Variants in C2orf81 observed in about 807,000 individuals in gnomAD.
The protein encoded by C2orf81 is uncharacterized protein C2orf81.
In C2orf81, 5 loss-of-function variants were observed where a neutral mutation model predicts 7.9. The ratio of observed to expected loss-of-function variants is 0.63; its 90% CI spans 0.33 to 1.33. The LOEUF (loss-of-function observed/expected upper bound fraction) is 1.33, where lower values mean the gene tolerates loss of function less well. Ranked by LOEUF, C2orf81 falls within the 40% of genes most tolerant of loss-of-function variation. The pLI, the probability that C2orf81 is intolerant of heterozygous loss-of-function variation, is 0.05. For synonymous variants in C2orf81, 346 were observed against 367.4 expected, an observed-to-expected ratio of 0.94 and a Z score of 0.66; for missense variants, 781 against 830.4, an observed-to-expected ratio of 0.94 and a Z score of 0.73.
rs1049420548 is a variant in C2orf81 at position 74,414,782 on chromosome 2, G to A, written c.1395C>T (p.Ser465=). The change falls in exon 3 of 3, where the codon TCC becomes TCT. Residue 465 remains serine (S), a synonymous_variant. Coordinates refer to ENST00000684111, the MANE Select transcript of C2orf81 (RefSeq NM_001316764.3). This position sits in a 1 kb window ranked among gnomAD's most constrained non-coding sequence, Gnocchi z 5.3. ...TTGGGAGTGGCAGCTTTGACTCGAG[G>A]GATGGCGACGATAGGCCTAAATTTA... ...PTLNLGLSSP[S]LESKLPLPNS... is the part of the protein sequence containing the mutation. The A allele has an allele frequency of 5.2e-6, 8 of 1,551,554 alleles. No homozygotes were observed. Among genetic ancestry groups the A allele is most frequent in the Non-Finnish European group, 7.0e-6 (8 of 1,146,874 alleles).
intron 1 of C2orf81, chr2:74,418,302 C>A: frequency 6.2e-7 from 1 of 1,607,282 alleles, no homozygotes; most frequent in East Asian, 2.2e-5. Flanking sequence ...CTTCGCTGAG[C>A]TCCTTCTGAC....
chr2:74,420,769 CTTCTTTTTTTTTTTTTTT>C (rs1676585601), intron 1 of C2orf81, among the ~76,000 whole-genome samples: 1 of 118,718 alleles, frequency 8.4e-6, no homozygotes, highest in African/African-American at 3.8e-5. Context: ...CTTTCTTCTT[CTTCTTTTTTTTTTTTTTT>C]TTTTTTTTTT....
intron 1 of C2orf81, among the ~76,000 whole-genome samples, chr2:74,420,674 C>T (rs1302564125): frequency 2.0e-5 from 3 of 152,032 alleles, no homozygotes; most frequent in African/African-American, 7.3e-5. Flanking sequence ...CTTAGACCTC[C>T]CCTCCCAGCC....
chr2:74,416,200 G>A lies in C2orf81; in HGVS notation c.60C>T (p.Ser20=), dbSNP rs1403700416. 2 of 1,431,350 alleles carry A rather than the reference G, an allele frequency of 1.4e-6. No individual in the cohort carries two copies. The highest frequency in any genetic ancestry group is 3.8e-4 in the Middle Eastern group (2 of 5,326). The allele number at this position is 1,431,350 out of a possible 1,614,324, so 88.7% of individuals were successfully genotyped here. The part of the protein sequence containing the change: ...RQVRDRGVTR[S]KAEKVRPPTV... ...TGGGCGGCCGCACTTTTTCCGCCTT[G>A]GACCGGGTCACCCCGCGGTCTCGGA... The change falls in exon 2 of 3, where the codon TCC becomes TCT. Residue 20 remains serine, a synonymous_variant. Coordinates refer to ENST00000684111, the MANE Select transcript of C2orf81 (RefSeq NM_001316764.3).
At position 74,414,669 on chromosome 2, in the gene C2orf81, C is replaced by G; in HGVS notation, c.1508G>C (p.Trp503Ser). The change falls in exon 3 of 3, where the codon TGG (tryptophan) becomes TCG (serine). Residue 503 changes from tryptophan (W) to serine (S), a missense_variant. Transcript: ENST00000684111. The surrounding 1 kb of genome is among the most constrained non-coding windows in gnomAD (Gnocchi z 5.3). ...RSPKLWPSVR[W>S]PSGWEGKAEL... is the part of the protein sequence containing the mutation. ...GGCCTTCCCCTCCCAACCGCTGGGC[C>G]ACCTGACACTGGGCCACAGCTTGGG... The G allele has an allele frequency of 6.5e-7, 1 of 1,548,182 alleles. No homozygotes were observed. The highest frequency in any genetic ancestry group is 8.7e-7 in the Non-Finnish European group (1 of 1,144,882).
Position 74,414,869 on chromosome 2 carries a change from A to G in C2orf81, c.1308T>C (p.Pro436=). 6.5e-7 allele frequency: 1 copy of G among 1,549,938 alleles called. No homozygotes were observed. Among genetic ancestry groups the G allele is most frequent in the South Asian group, 1.2e-5 (1 of 83,928 alleles). Residue 436 remains proline, a synonymous_variant, in exon 3 of 3, where the codon CCT becomes CCC. Transcript: ENST00000684111. The surrounding 1 kb of genome is among the most constrained non-coding windows in gnomAD (Gnocchi z 5.3). ...CACGGAAAGGAATGCCTGGCCGGAG[A>G]GGGAAGAACGCTGCCGGGGAGACAC... The part of the protein sequence containing the change: ...GTRVSPAAFF[P]LRPGIPFRDL...
chr2:74,418,528 C>G, intron 1 of C2orf81: 1 of 878,854 alleles, frequency 1.1e-6, no homozygotes, highest in South Asian at 1.4e-5. Context: ...CTCCGGTTTG[C>G]CGGGAGCAGC....
intron 1 of C2orf81, among the ~76,000 whole-genome samples, chr2:74,419,747 A>T (rs559961056): frequency 1.3e-5 from 2 of 152,322 alleles, no homozygotes; most frequent in South Asian, 4.1e-4. Context: ...ATATTATGCA[A>T]TGATTAAAGG....
intron 1 of C2orf81, among the ~76,000 whole-genome samples, chr2:74,417,102 A>C (rs992202709): frequency 2.0e-5 from 3 of 152,236 alleles, no homozygotes; most frequent in African/African-American, 7.2e-5. Context: ...GTGGATGAAC[A>C]TTTGGCGCTG....
In C2orf81 at chr2:74,415,880, G is replaced by T. The variant is rs991849837; in HGVS notation, c.297C>A (p.Ile99=). 16 of 1,550,704 alleles carry T rather than the reference G, an allele frequency of 1.0e-5. No homozygotes were observed. The highest frequency in any genetic ancestry group is 1.4e-5 in the Non-Finnish European group (16 of 1,146,364). The change falls in exon 3 of 3, where the codon ATC becomes ATA. Residue 99 remains isoleucine, a synonymous_variant. Coordinates refer to ENST00000684111, the MANE Select transcript of C2orf81 (RefSeq NM_001316764.3). The surrounding 1 kb of genome is among the most constrained non-coding windows in gnomAD (Gnocchi z 5.5). ...CCCGGGCCAGGAAGCGCCACTCGGT[G>T]ATCTGCAGCATGGCCTCCCGGGCCT... ...ISQAREAMLQ[I]TEWRFLARDE...
intron 1 of C2orf81, among the ~76,000 whole-genome samples, chr2:74,418,936 T>G (rs1255387062): frequency 2.7e-5 from 4 of 150,546 alleles, no homozygotes; most frequent in African/African-American, 9.8e-5. Context: ...ATCCCAGCAC[T>G]TTGGGAGGCC....
intron 1 of C2orf81, chr2:74,416,565 C>CAAAAAAAAAAAAAAAAAAAAAA (rs59349435): frequency 1.9e-4 from 10 of 52,172 alleles, no homozygotes; most frequent in South Asian, 9.1e-4. Context: ...GACTGCGTCT[C>CAAAAAAAAAAAAAAAAAAAAAA]AAAAAAAAAA....
Position 74,415,291 on chromosome 2 carries a change from A to C in C2orf81, c.886T>G (p.Phe296Val). 7 of 1,551,290 alleles carry C rather than the reference A, an allele frequency of 4.5e-6. No homozygotes were observed. The highest frequency in any genetic ancestry group is 6.1e-6 in the Non-Finnish European group (7 of 1,146,846). Reference sequence around the variant, plus strand: ...TAGAGGTCTTCCAACGACAAATGGAAGCCGAGGGGGTGTCCCCTCCCAGTT... The same window carrying C: ...TAGAGGTCTTCCAACGACAAATGGACGCCGAGGGGGTGTCCCCTCCCAGTT... ...ASTGRGHPLG[F>V]HLSLEDLYCC... is the part of the protein sequence containing the mutation. The change falls in exon 3 of 3, where the codon TTC becomes GTC. Residue 296 changes from phenylalanine to valine, a missense_variant. Transcript: ENST00000684111. This position sits in a 1 kb window ranked among gnomAD's most constrained non-coding sequence, Gnocchi z 5.5.
chr2:74,417,709 G>C, intron 1 of C2orf81: 1 of 569,308 alleles, frequency 1.8e-6, no homozygotes, highest in East Asian at 5.1e-5. Flanking sequence ...TAAGACCAGG[G>C]GAACCCTCCC....
rs1443899916 is a variant in C2orf81 at position 74,421,594 on chromosome 2, GCT to G, written c.-36_-35del. The G allele has an allele frequency of 2.1e-5, 9 of 428,064 alleles. No homozygotes were observed. The highest frequency in any genetic ancestry group is 2.9e-5 in the Non-Finnish European group (7 of 240,612). 26.5% of individuals were successfully genotyped at this position (428,064 alleles called of 1,614,324 possible). A position where few individuals can be genotyped will look rare whatever the true frequency, so the allele number is the denominator to read the frequency against. ...CGGTCGCAGCAACGCTGGTGTTTCT[GCT>G]GCATCCGGGCCGCGTAAGCCACCTA... On this transcript the variant is annotated 5_prime_UTR_variant, in exon 1 of 3. Coordinates refer to ENST00000684111, the MANE Select transcript of C2orf81 (RefSeq NM_001316764.3).
intron 1 of C2orf81, among the ~76,000 whole-genome samples, chr2:74,419,291 G>C (rs532688078): frequency 6.6e-6 from 1 of 152,286 alleles, no homozygotes; most frequent in Non-Finnish European, 1.5e-5. Flanking sequence ...CAGGGGGATT[G>C]CTTGAGCCCA....
intron 1 of C2orf81, 112 bp from the exon 2 acceptor site, chr2:74,416,353 C>A: frequency 1.5e-6 from 1 of 648,510 alleles, no homozygotes; most frequent in Non-Finnish European, 2.3e-6. Context: ...GGAAAAGGGC[C>A]AATTGACGAA....
intron 1 of C2orf81, among the ~76,000 whole-genome samples, chr2:74,416,871 G>A (rs1573213504): frequency 6.6e-6 from 1 of 152,116 alleles, no homozygotes; most frequent in African/African-American, 2.4e-5. Flanking sequence ...TAGGAAACCA[G>A]AGGGGGAGCC....
intron 1 of C2orf81, chr2:74,417,326 T>G: frequency 2.3e-6 from 3 of 1,295,026 alleles, no homozygotes; most frequent in Non-Finnish European, 3.1e-6. Context: ...AAAGTAGGGT[T>G]GGGGGAGCAG....
Sources: gnomAD v4.1 joint callset for allele counts (sites outside exome capture counted in the v4.1 genomes callset) on GRCh38, gnomAD v4.1.1 for gene constraint, Gnocchi (gnomAD v3.1) non-coding constraint, MANE v1.5 for transcripts, NCBI Gene and HGNC (gene_info 2026-07-23, HGNC 2026-07-21) for gene names.